DPH6: variants seen among roughly 807,000 people sequenced by gnomAD.
DPH6 encodes diphthine--ammonia ligase.
In DPH6, 33 loss-of-function variants were observed where a neutral mutation model predicts 38.2. That is an observed-to-expected ratio of 0.86 (90% CI 0.65 to 1.15). The LOEUF (loss-of-function observed/expected upper bound fraction) is 1.15. DPH6 is among the 50% of genes most tolerant of loss of function. The pLI is 0.00. For synonymous variants in DPH6, 108 were observed against 103.0 expected (o/e 1.05, Z -0.30); for missense variants, 325 against 320.0 (o/e 1.02, Z -0.12).
At chr15:35,338,695 G>A (rs2052395315) in intron 3 of DPH6, among the ~76,000 whole-genome samples, 1 of 152,262 alleles carries the variant, frequency 6.6e-6, no homozygotes, top group East Asian at 1.9e-4. Context: ...TATACCCAAA[G>A]GATTATAAAT....
rs66521447 is a variant in DPH6 at position 35,478,366 on chromosome 15, T to TACACAC, written c.313-23552_313-23547dup. Among the ~76,000 whole-genome samples the TACACAC allele has an allele frequency of 2.0e-3, 279 of 142,150 alleles. 1 individual carries two copies. The highest frequency in any genetic ancestry group is 4.1e-3 in the African/African-American group (150 of 36,620). The allele number at this position is 142,150 out of a possible 152,430, so 93.3% of individuals were successfully genotyped here. A position where few individuals can be genotyped will look rare whatever the true frequency, so the allele number is the denominator to read the frequency against. The stretch of plus-strand genomic sequence containing the variant: ...TTACCCATACACACATACCCACACA[T>TACACAC]ACACACACACACACACACACACACA... On this transcript the variant is annotated intron_variant, in intron 3 of 8. Coordinates refer to ENST00000256538, the MANE Select transcript of DPH6 (RefSeq NM_080650.4).
the DPH6 span, among the ~76,000 whole-genome samples, chr15:35,179,432 G>A: frequency 0.039 from 5,954 of 151,972 alleles, 125 homozygotes; most frequent in Middle Eastern, 0.048. Context: ...TATCCAAAAA[G>A]AGTCAAATAC....
intron 3 of DPH6, among the ~76,000 whole-genome samples, chr15:35,349,104 C>G (rs966933961): frequency 1.3e-5 from 2 of 152,028 alleles, no homozygotes; most frequent in African/African-American, 2.4e-5. Flanking sequence ...CATTTGTGAA[C>G]AGAGTTAATT....
chr15:35,247,395 T>C (rs1201284789), intron 3 of DPH6, among the ~76,000 whole-genome samples: 1 of 152,240 alleles, frequency 6.6e-6, no homozygotes, highest in East Asian at 1.9e-4. Context: ...ATTGATTTTG[T>C]TTGAATGATG....
chr15:35,235,481 C>T (rs1284434838), intron 3 of DPH6, among the ~76,000 whole-genome samples: 1 of 152,192 alleles, frequency 6.6e-6, no homozygotes, highest in East Asian at 1.9e-4. Flanking sequence ...AATATTAGAA[C>T]TCAGAGAATA....
intron 3 of DPH6, among the ~76,000 whole-genome samples, chr15:35,263,782 G>A (rs2051764748): frequency 6.6e-6 from 1 of 151,434 alleles, no homozygotes; most frequent in Non-Finnish European, 1.5e-5. Context: ...AGCGATCTCT[G>A]CTCACTCCAA....
At chr15:35,545,108 G>A (rs950203150) in intron 1 of DPH6, among the ~76,000 whole-genome samples, 2 of 152,174 alleles carry the variant, frequency 1.3e-5, no homozygotes, top group Non-Finnish European at 2.9e-5. Flanking sequence ...CTTACAGCCA[G>A]TATCAATTAC....
At chr15:35,434,161 T>C (rs995993314) in intron 5 of DPH6, among the ~76,000 whole-genome samples, 3 of 152,180 alleles carry the variant, frequency 2.0e-5, no homozygotes, top group Non-Finnish European at 2.9e-5. Context: ...GAGTCAAAGG[T>C]CAGTCGTTTC....
chr15:35,286,015 T>A (rs2140441228), intron 3 of DPH6, among the ~76,000 whole-genome samples: 1 of 151,994 alleles, frequency 6.6e-6, no homozygotes, highest in East Asian at 1.9e-4. Context: ...CTATTAATAA[T>A]CTTTGAGGCA....
At chr15:35,491,910 T>A (rs1595412751) in intron 3 of DPH6, among the ~76,000 whole-genome samples, 1 of 151,918 alleles carries the variant, frequency 6.6e-6, no homozygotes, top group East Asian at 1.9e-4. Flanking sequence ...CTTATATGTA[T>A]CTATAGAACT....
At chr15:35,542,686 T>C (rs1315613427) in intron 1 of DPH6, among the ~76,000 whole-genome samples, 179 bp from the exon 2 acceptor site, 1 of 150,790 alleles carries the variant, frequency 6.6e-6, no homozygotes, top group Non-Finnish European at 1.5e-5. Context: ...TCTGAATGTC[T>C]AGGGCTGCTA....
intron 3 of DPH6, among the ~76,000 whole-genome samples, chr15:35,301,100 C>T (rs543438630): frequency 7.9e-5 from 12 of 152,300 alleles, no homozygotes; most frequent in Non-Finnish European, 1.3e-4. Flanking sequence ...GACCTTAACA[C>T]TAAATCACAC....
chr15:35,501,966 C>T (rs1168446559), intron 3 of DPH6, among the ~76,000 whole-genome samples: 2 of 152,202 alleles, frequency 1.3e-5, no homozygotes, highest in African/African-American at 4.8e-5. Context: ...ATGTTAGCAA[C>T]TTGACTTAAA....
chr15:35,167,438 A>T, the DPH6 span, among the ~76,000 whole-genome samples: 202 of 91,272 alleles, frequency 2.2e-3, 1 homozygote, highest in African/African-American at 6.5e-3. Flanking sequence ...ACTTTCAATT[A>T]AAAAAAAAAT....
chr15:35,326,919 G>T (rs1247001631), downstream of DPH6, among the ~76,000 whole-genome samples: 7 of 152,158 alleles, frequency 4.6e-5, no homozygotes, highest in Non-Finnish European at 1.0e-4. Flanking sequence ...TCCCATGTTA[G>T]ACAGGGATGA....
intron 3 of DPH6, among the ~76,000 whole-genome samples, chr15:35,292,637 T>A (rs906842971): frequency 6.6e-6 from 1 of 152,160 alleles, no homozygotes; most frequent in Admixed American, 6.5e-5. Context: ...TTTTACCCAC[T>A]GGTAGGATCA....
intron 3 of DPH6, among the ~76,000 whole-genome samples, chr15:35,353,619 G>T (rs1006746821): frequency 1.2e-4 from 19 of 152,166 alleles, no homozygotes; most frequent in African/African-American, 4.3e-4. Context: ...TGAGGGATCT[G>T]TTCTGTTCCA....
chr15:35,460,911 A>AAAAG lies in DPH6; in HGVS notation c.313-6092_313-6091insCTTT, dbSNP rs1427828231. ...AGATACTCACAAACTGGTAAAAAAA[A>AAAAG]AAAAAAAAAAGGTTCATTACTAGAA... On this transcript the variant is annotated intron_variant, in intron 3 of 8. Transcript: ENST00000256538. Among the ~76,000 whole-genome samples the AAAAG allele has an allele frequency of 2.0e-5, 3 of 151,610 alleles. No individual in the cohort carries two copies. In the East Asian group the frequency reaches 5.8e-4, roughly 29 times the overall value.
chr15:35,450,803 C>G lies in DPH6; in HGVS notation c.387G>C (p.Val129=). The G allele has an allele frequency of 6.3e-7, 1 of 1,588,836 alleles. No individual in the cohort carries two copies. The highest frequency in any genetic ancestry group is 8.6e-7 in the Non-Finnish European group (1 of 1,169,456). ...AAGGCTGGAGATTAAGCCTTTTACA[C>G]CTACAAAAGAAAAAGAAAAAGAAAG... is the stretch of plus-strand genomic sequence containing the variant. The part of the protein sequence containing the change: ...SDYQRIRVEN[V]CKRLNLQPLA... The change falls in exon 5 of 9, where the codon GTG becomes GTC. Residue 129 remains valine (V), a splice_region_variant and synonymous_variant. Transcript: ENST00000256538.
Sources: allele counts gnomAD v4.1 joint callset (sites outside exome capture counted in the v4.1 genomes callset), GRCh38; gene constraint gnomAD v4.1.1; transcripts MANE v1.5; gene names NCBI Gene and HGNC (gene_info 2026-07-23, HGNC 2026-07-21).